The following LY96 variants were observed in gnomAD, a reference collection of about 807,000 sequenced individuals.
LY96 encodes the protein myeloid differentiation protein-2.
LY96 carries 18 observed loss-of-function variants against 18.9 expected under a neutral mutation model. The ratio of observed to expected loss-of-function variants is 0.95; its 90% CI spans 0.66 to 1.41. LY96 has a LOEUF of 1.41. Among genes scored for constraint, LY96 ranks in the 40% most tolerant of loss-of-function variants. The pLI is 0.00. For synonymous variants in LY96, 66 were observed against 62.6 expected (o/e 1.06, Z -0.26); for missense variants, 175 against 182.4 (o/e 0.96, Z 0.23).
chr8:74,030,770 A>G (rs1450665964), downstream of LY96, among the ~76,000 whole-genome samples: 3 of 152,222 alleles, frequency 2.0e-5, no homozygotes, highest in South Asian at 4.1e-4. Flanking sequence ...GCAGAGGAGC[A>G]GACTCCAACT....
intron 2 of LY96, among the ~76,000 whole-genome samples, chr8:74,007,117 G>A (rs1215528891): frequency 6.6e-6 from 1 of 152,260 alleles, no homozygotes; most frequent in African/African-American, 2.4e-5. Flanking sequence ...GGAAGCCCCA[G>A]AGCAGAATGC....
intron 2 of LY96, among the ~76,000 whole-genome samples, chr8:74,009,647 T>C (rs529205915): frequency 2.4e-4 from 37 of 152,332 alleles, no homozygotes; most frequent in African/African-American, 8.9e-4. Flanking sequence ...GTCCTTCCTT[T>C]CCTTTTCTTT....
chr8:74,082,987 G>A, the LY96 span, among the ~76,000 whole-genome samples: 1 of 152,136 alleles, frequency 6.6e-6, no homozygotes, highest in Non-Finnish European at 1.5e-5. Flanking sequence ...AGGACTTCCT[G>A]CTTCTGTTGT....
intron 4 of LY96, among the ~76,000 whole-genome samples, chr8:74,027,072 T>C (rs1816886702): frequency 6.6e-6 from 1 of 151,836 alleles, no homozygotes. Context: ...CCTGACTAGC[T>C]GGGACTACAT....
chr8:74,084,272 T>A, the LY96 span, among the ~76,000 whole-genome samples: 3 of 152,192 alleles, frequency 2.0e-5, no homozygotes, highest in Admixed American at 2.0e-4. Flanking sequence ...TTCTCTCTCC[T>A]TCTATGATGT....
chr8:74,010,959 T>C (rs1036139515), intron 3 of LY96, among the ~76,000 whole-genome samples: 2 of 152,254 alleles, frequency 1.3e-5, no homozygotes, highest in African/African-American at 2.4e-5. Context: ...TGGAATTACA[T>C]TGATATTTTA....
At chr8:74,002,577 T>C (rs564336545) in intron 1 of LY96, among the ~76,000 whole-genome samples, 4 of 149,336 alleles carry the variant, frequency 2.7e-5, no homozygotes, top group African/African-American at 9.8e-5. Context: ...TTATTTCTTT[T>C]TTTTTTTTTT....
At position 74,004,890 on chromosome 8, in the gene LY96, G is replaced by A. The variant is rs993000595; in HGVS notation, c.202+5G>A. 1.3e-6 allele frequency: 2 copies of A among 1,590,400 alleles called. No homozygotes were observed. The highest frequency in any genetic ancestry group is 1.7e-6 in the Non-Finnish European group (2 of 1,161,312). Reference sequence around the variant, plus strand: ...TGCACATTTTCTACATTCCAAGTAAGTTCAAATTTTTGCTTTTATAGACCA... The same window carrying A: ...TGCACATTTTCTACATTCCAAGTAAATTCAAATTTTTGCTTTTATAGACCA... On this transcript the variant is annotated splice_donor_5th_base_variant and intron_variant, in intron 2 of 4. Transcript: ENST00000284818.
At chr8:74,054,689 G>T in the LY96 span, among the ~76,000 whole-genome samples, 14 of 92,234 alleles carry the variant, frequency 1.5e-4, no homozygotes, top group Non-Finnish European at 2.8e-4. Context: ...TTTGAGATGG[G>T]GTTTCACTCT....
downstream of LY96, among the ~76,000 whole-genome samples, chr8:74,033,900 C>CTTT (rs59809614): frequency 3.4e-5 from 5 of 145,862 alleles, no homozygotes; most frequent in African/African-American, 1.2e-4. Flanking sequence ...CAATTGGAGA[C>CTTT]TTTTTTTTTT....
the LY96 span, among the ~76,000 whole-genome samples, chr8:74,088,950 ACTT>A: frequency 3.3e-5 from 5 of 152,282 alleles, no homozygotes; most frequent in African/African-American, 1.2e-4. Flanking sequence ...CATGTAAGTT[ACTT>A]CTTCTCTCTT....
the LY96 span, among the ~76,000 whole-genome samples, chr8:74,066,785 G>A: frequency 6.6e-6 from 1 of 152,228 alleles, no homozygotes; most frequent in East Asian, 1.9e-4. Flanking sequence ...CGAGGATGAA[G>A]GTGTCAGTCT....
the LY96 span, among the ~76,000 whole-genome samples, chr8:74,090,119 C>T: frequency 6.6e-6 from 1 of 152,132 alleles, no homozygotes; most frequent in South Asian, 2.1e-4. Context: ...TATGCTCCAT[C>T]AAGAAGAGAT....
At chr8:74,034,714 C>T in the LY96 span, among the ~76,000 whole-genome samples, 1 of 152,186 alleles carries the variant, frequency 6.6e-6, no homozygotes, top group South Asian at 2.1e-4. Flanking sequence ...TGGCATCACA[C>T]TGGGTCCAAT....
the LY96 span, among the ~76,000 whole-genome samples, chr8:74,060,157 A>G: frequency 0.092 from 13,972 of 151,920 alleles, 820 homozygotes; most frequent in African/African-American, 0.17. Flanking sequence ...AAACAACAAC[A>G]ACGACGACGA....
chr8:74,044,863 C>T, the LY96 span, among the ~76,000 whole-genome samples: 1 of 152,212 alleles, frequency 6.6e-6, no homozygotes, highest in Non-Finnish European at 1.5e-5. Context: ...TGAAGGATTT[C>T]TTTTACATTC....
At chr8:73,995,168 C>T (rs763682490) in intron 1 of LY96, among the ~76,000 whole-genome samples, 4 of 152,192 alleles carry the variant, frequency 2.6e-5, no homozygotes, top group Admixed American at 6.5e-5. Context: ...GCTCTTCCAC[C>T]ATGGGATGAG....
At chr8:74,089,127 C>T in the LY96 span, among the ~76,000 whole-genome samples, 1 of 152,154 alleles carries the variant, frequency 6.6e-6, no homozygotes, top group Non-Finnish European at 1.5e-5. Context: ...TCTCATATAC[C>T]TCAGGGGCGA....
chr8:74,085,747 C>A, the LY96 span, among the ~76,000 whole-genome samples: 1 of 152,002 alleles, frequency 6.6e-6, no homozygotes, highest in Non-Finnish European at 1.5e-5. Flanking sequence ...AACTTCATTG[C>A]GGTATAATTG....
Sources: allele counts gnomAD v4.1 joint callset (sites outside exome capture counted in the v4.1 genomes callset), GRCh38; gene constraint gnomAD v4.1.1; transcripts MANE v1.5; gene names NCBI Gene and HGNC (gene_info 2026-07-23, HGNC 2026-07-21).